The following SLC7A5 variants were observed in gnomAD, a reference collection of about 807,000 sequenced individuals.
The protein encoded by SLC7A5 is large neutral amino acids transporter small subunit 1.
A neutral mutation model predicts 50.2 loss-of-function variants in SLC7A5; 23 were observed. That is an observed-to-expected ratio of 0.46 (90% CI 0.33 to 0.65). The LOEUF (loss-of-function observed/expected upper bound fraction) is 0.65. SLC7A5 is among the 30% of genes least tolerant of loss of function. The pLI, the probability that SLC7A5 is intolerant of heterozygous loss-of-function variation, is 0.02. For synonymous variants in SLC7A5, 393 were observed against 330.6 expected (o/e 1.19, Z -2.05); for missense variants, 578 against 684.4 (o/e 0.84, Z 1.73).
In SLC7A5 at chr16:87,840,935, G is replaced by A. The variant is rs2055075724; in HGVS notation, c.770+115C>T. Reference sequence around the variant, plus strand: ...TTAACTGCCAAGGGGCAGTTAAAGGGAGGGGCAGTCCACTCCCTTTAACTG... The same window carrying A: ...TTAACTGCCAAGGGGCAGTTAAAGGAAGGGGCAGTCCACTCCCTTTAACTG... On this transcript the variant is annotated intron_variant, in intron 3 of 9. Coordinates refer to ENST00000261622, the MANE Select transcript of SLC7A5 (RefSeq NM_003486.7). 4.2e-6 allele frequency: 3 copies of A among 710,710 alleles called. No individual in the cohort carries two copies. In the South Asian group the frequency reaches 4.3e-5, roughly 10 times the overall value. 44.0% of individuals were successfully genotyped at this position (710,710 alleles called of 1,614,324 possible).
At chr16:87,854,248 G>A (rs1416122108) in intron 1 of SLC7A5, among the ~76,000 whole-genome samples, 1 of 152,078 alleles carries the variant, frequency 6.6e-6, no homozygotes, top group Non-Finnish European at 1.5e-5. Flanking sequence ...GAAGTCAGGT[G>A]GGGAGCAAAA....
intron 2 of SLC7A5, among the ~76,000 whole-genome samples, chr16:87,844,563 G>A (rs1022422227): frequency 1.3e-5 from 2 of 152,218 alleles, no homozygotes; most frequent in African/African-American, 4.8e-5. Flanking sequence ...CTGTGATGCG[G>A]CCAACCCTCC....
chr16:87,835,128 G>C (rs988809352), intron 8 of SLC7A5, among the ~76,000 whole-genome samples: 3 of 152,276 alleles, frequency 2.0e-5, no homozygotes, highest in Admixed American at 2.0e-4. Context: ...CTGCGGCTCG[G>C]CATGGCTGGG....
Position 87,852,571 on chromosome 16 carries a change from C to T in SLC7A5, c.539-722G>A, listed in dbSNP as rs1005895138. ...AGGCGCTGAGATGTGGGGTCAGGCACGCTCAGACAGGTCTCCAGACACCAG... is the reference window on the plus strand; with the variant it reads ...AGGCGCTGAGATGTGGGGTCAGGCATGCTCAGACAGGTCTCCAGACACCAG... On this transcript the variant is annotated intron_variant, in intron 1 of 9. Transcript: ENST00000261622. This position sits in a 1 kb window ranked among gnomAD's most constrained non-coding sequence, Gnocchi z 4.5. Among the ~76,000 whole-genome samples, 3 of 152,002 alleles carry T rather than the reference C, an allele frequency of 2.0e-5. No individual in the cohort carries two copies. Among genetic ancestry groups the T allele is most frequent in the African/African-American group, 4.8e-5 (2 of 41,354 alleles).
chr16:87,843,674 C>G (rs866492597), intron 2 of SLC7A5, among the ~76,000 whole-genome samples: 1 of 152,154 alleles, frequency 6.6e-6, no homozygotes, highest in Non-Finnish European at 1.5e-5. Context: ...ATTCTGCACA[C>G]CGGGAGACCT....
chr16:87,868,456 AT>A (rs376857845), intron 1 of SLC7A5, among the ~76,000 whole-genome samples: 287 of 150,796 alleles, frequency 1.9e-3, no homozygotes, highest in Non-Finnish European at 3.0e-3. Flanking sequence ...GAAATGAATG[AT>A]TTTTTTTTTA....
At chr16:87,845,177 C>G (rs61527026) in intron 2 of SLC7A5, among the ~76,000 whole-genome samples, 42,105 of 130,960 alleles carry the variant, frequency 0.32, 7,200 homozygotes, top group East Asian at 0.68. Flanking sequence ...AACCGTGCCA[C>G]CCAGGGGAGA....
At chr16:87,854,525 A>C (rs1043311707) in intron 1 of SLC7A5, among the ~76,000 whole-genome samples, 2 of 152,210 alleles carry the variant, frequency 1.3e-5, no homozygotes, top group Non-Finnish European at 2.9e-5. Context: ...GCCCTCTCCC[A>C]AGCCTCAGTG....
chr16:87,832,860 G>A lies in SLC7A5; in HGVS notation c.*110C>T, dbSNP rs1169846218. The A allele has an allele frequency of 1.1e-6, 1 of 878,184 alleles. No individual in the cohort carries two copies. The highest frequency in any genetic ancestry group is 1.6e-5 in the African/African-American group (1 of 60,752). 54.4% of individuals were successfully genotyped at this position (878,184 alleles called of 1,614,324 possible). ...GACCTGGGAGGGACGGCGAGGGACTGGGATGGGCAGCTGAGCTGTGGGTTG... is the reference window on the plus strand; with the variant it reads ...GACCTGGGAGGGACGGCGAGGGACTAGGATGGGCAGCTGAGCTGTGGGTTG... On this transcript the variant is annotated 3_prime_UTR_variant, in exon 10 of 10. Coordinates refer to ENST00000261622, the MANE Select transcript of SLC7A5 (RefSeq NM_003486.7). The surrounding 1 kb of genome is among the most constrained non-coding windows in gnomAD (Gnocchi z 4.6).
rs2055267157 is a variant in SLC7A5 at position 87,853,598 on chromosome 16, T to C, written c.539-1749A>G. Among the ~76,000 whole-genome samples the C allele has an allele frequency of 6.6e-6, 1 of 152,156 alleles. No homozygotes were observed. Among genetic ancestry groups the C allele is most frequent in the South Asian group, 2.1e-4 (1 of 4,824 alleles). ...GTCAGTGGGTCTAGGCAGCTCCTTG[T>C]CCGCTGCACAGGGCAAGGGGCAGGT... On this transcript the variant is annotated intron_variant, in intron 1 of 9. Transcript: ENST00000261622. This position sits in a 1 kb window ranked among gnomAD's most constrained non-coding sequence, Gnocchi z 4.4.
Position 87,861,367 on chromosome 16 carries a change from C to G in SLC7A5, c.538+7518G>C, listed in dbSNP as rs566390779. On this transcript the variant is annotated intron_variant, in intron 1 of 9. Coordinates refer to ENST00000261622, the MANE Select transcript of SLC7A5 (RefSeq NM_003486.7). This position sits in a 1 kb window ranked among gnomAD's most constrained non-coding sequence, Gnocchi z 4.2. ...CGACTGGGCCACCCAGTCTTGCTGA[C>G]TGACACCTCCCCAGACCCCTGGCAC... 6.6e-6 allele frequency among the ~76,000 whole-genome samples: 1 copy of G among 152,308 alleles called. No homozygotes were observed. Among genetic ancestry groups the G allele is most frequent in the South Asian group, 2.1e-4 (1 of 4,832 alleles).
intron 5 of SLC7A5, 149 bp downstream of exon 5, chr16:87,839,553 C>T (rs1021504171): frequency 5.4e-6 from 6 of 1,107,264 alleles, no homozygotes; most frequent in Non-Finnish European, 8.0e-6. Flanking sequence ...GACCACCACT[C>T]CACCCCTCCG....
intron 2 of SLC7A5, among the ~76,000 whole-genome samples, chr16:87,850,604 C>T (rs2055209860): frequency 6.6e-6 from 1 of 152,330 alleles, no homozygotes; most frequent in East Asian, 1.9e-4. Context: ...AGGAGGCCAG[C>T]TCCTAACTGC....
chr16:87,849,627 C>T (rs2055194815), intron 2 of SLC7A5, among the ~76,000 whole-genome samples: 1 of 152,172 alleles, frequency 6.6e-6, no homozygotes, highest in South Asian at 2.1e-4. Flanking sequence ...ATGGATTTGT[C>T]TCCTGCCCGT....
intron 1 of SLC7A5, among the ~76,000 whole-genome samples, chr16:87,868,455 G>C (rs188880962): frequency 2.0e-5 from 3 of 152,290 alleles, no homozygotes; most frequent in African/African-American, 4.8e-5. Flanking sequence ...AGAAATGAAT[G>C]ATTTTTTTTT....
intron 1 of SLC7A5, among the ~76,000 whole-genome samples, chr16:87,859,173 G>A (rs1223594023): frequency 6.6e-6 from 1 of 152,254 alleles, no homozygotes; most frequent in African/African-American, 2.4e-5. Context: ...TCAAGCGCCT[G>A]GCTCCGGGCC....
intron 6 of SLC7A5, 28 bp from the exon 7 acceptor site, chr16:87,837,969 A>G (rs1054893017): frequency 1.3e-6 from 2 of 1,535,882 alleles, no homozygotes; most frequent in Admixed American, 1.9e-5. Context: ...TGGCAGAGTC[A>G]GCCACCGCCC....
intron 1 of SLC7A5, among the ~76,000 whole-genome samples, chr16:87,857,955 G>C (rs1436874513): frequency 2.0e-5 from 3 of 152,206 alleles, no homozygotes; most frequent in Non-Finnish European, 1.5e-5. Flanking sequence ...GATTTGGCAA[G>C]CTCTGAAATT....
chr16:87,839,187 T>C (rs2055052174), intron 5 of SLC7A5, among the ~76,000 whole-genome samples: 1 of 152,200 alleles, frequency 6.6e-6, no homozygotes, highest in South Asian at 2.1e-4. Context: ...AGTAGGAAGC[T>C]GGCCAGAGCA....
Sources: allele counts gnomAD v4.1 joint callset (sites outside exome capture counted in the v4.1 genomes callset), GRCh38; gene constraint gnomAD v4.1.1; non-coding constraint Gnocchi (gnomAD v3.1); transcripts MANE v1.5; gene names NCBI Gene and HGNC (gene_info 2026-07-23, HGNC 2026-07-21).